The following ATG101 variants were observed in gnomAD, a reference collection of about 807,000 sequenced individuals.
ATG101 encodes the protein autophagy related 101.
A neutral mutation model predicts 16.7 loss-of-function variants in ATG101; 6 were observed. That is an observed-to-expected ratio of 0.36 (90% confidence interval 0.20 to 0.71). ATG101 has a LOEUF of 0.71. Ranked by LOEUF, ATG101 falls within the 30% of genes least tolerant of loss-of-function variation. The pLI, the probability that ATG101 is intolerant of heterozygous loss-of-function variation, is 0.57. For synonymous variants in ATG101, 108 were observed against 118.1 expected (o/e 0.91, Z 0.56); for missense variants, 200 against 292.5 (o/e 0.68, Z 2.31).
intron 3 of ATG101, among the ~76,000 whole-genome samples, chr12:52,076,142 A>C (rs1409097922): frequency 6.6e-6 from 1 of 152,182 alleles, no homozygotes; most frequent in Admixed American, 6.5e-5. Flanking sequence ...TGGGTGACAG[A>C]GTAAGACCCA....
upstream of ATG101, among the ~76,000 whole-genome samples, chr12:52,066,874 C>T (rs918252316): frequency 6.6e-6 from 1 of 152,182 alleles, no homozygotes; most frequent in Non-Finnish European, 1.5e-5. Flanking sequence ...GCTCTGGCAC[C>T]TCCTCCACTC....
chr12:52,072,594 T>C (rs1192546046), intron 2 of ATG101, among the ~76,000 whole-genome samples: 1 of 152,190 alleles, frequency 6.6e-6, no homozygotes, highest in Admixed American at 6.5e-5. Context: ...TGTGGGTGTC[T>C]CTAGAAATAG....
chr12:52,074,218 G>A (rs1389637251), intron 3 of ATG101, among the ~76,000 whole-genome samples: 3 of 152,238 alleles, frequency 2.0e-5, no homozygotes, highest in African/African-American at 7.2e-5. Flanking sequence ...GACCTCTCTG[G>A]TTACAGCTCT....
rs1182358780 is a variant in ATG101 at position 52,077,393 on chromosome 12, A to G, written c.*203A>G. On this transcript the variant is annotated 3_prime_UTR_variant, in exon 4 of 4. Coordinates refer to ENST00000336854, the MANE Select transcript of ATG101 (RefSeq NM_021934.5). ...TTGCTGACGGTTCAGTCCTGCCTCT[A>G]CTGTCTCTCCATAGCCCTGGTGGGG... is the stretch of plus-strand genomic sequence containing the variant. 1.4e-5 allele frequency: 9 copies of G among 628,996 alleles called. No individual in the cohort carries two copies. In the East Asian group the frequency reaches 1.9e-4, roughly 14 times the overall value. 39.0% of individuals were successfully genotyped at this position (628,996 alleles called of 1,614,324 possible).
intron 3 of ATG101, among the ~76,000 whole-genome samples, chr12:52,074,124 T>C (rs995527948): frequency 6.6e-6 from 1 of 152,204 alleles, no homozygotes; most frequent in African/African-American, 2.4e-5. Context: ...GACTCATAAA[T>C]GTGCCTGGGG....
chr12:52,068,921 G>A (rs183332071), upstream of ATG101, among the ~76,000 whole-genome samples: 1,812 of 146,862 alleles, frequency 0.012, 25 homozygotes, highest in Middle Eastern at 0.058. Context: ...AACCCAGGAG[G>A]CGGAGCTTGC....
At chr12:52,076,698 G>A (rs1470364659) in intron 3 of ATG101, 88 bp from the exon 4 acceptor site, 1 of 1,448,520 alleles carries the variant, frequency 6.9e-7, no homozygotes, top group Non-Finnish European at 9.4e-7. Flanking sequence ...AGAGCTAAGA[G>A]AGCATAATTC....
upstream of ATG101, chr12:52,069,792 A>G (rs1455820191): frequency 1.3e-5 from 2 of 151,982 alleles, no homozygotes; most frequent in Non-Finnish European, 2.9e-5. Context: ...AAAATCCGAG[A>G]CATAACCACG....
chr12:52,071,576 G>C (rs1276247833), intron 2 of ATG101: 2 of 152,200 alleles, frequency 1.3e-5, no homozygotes, highest in African/African-American at 4.8e-5. Context: ...CAGCACTTTG[G>C]GAGGCCGAGG....
At chr12:52,072,398 C>T (rs10876230) in intron 2 of ATG101, among the ~76,000 whole-genome samples, 32,262 of 152,184 alleles carry the variant, frequency 0.21, 4,210 homozygotes, top group East Asian at 0.46. Flanking sequence ...TTGAGTGATT[C>T]GCTTAAGGTC....
At chr12:52,071,281 T>A (rs561716275) in intron 2 of ATG101, 1 of 152,334 alleles carries the variant, frequency 6.6e-6, no homozygotes, top group African/African-American at 2.4e-5. Context: ...ATTCACCATC[T>A]GTCAACCAGA....
At chr12:52,066,256 T>G (rs1276196647), upstream of ATG101, among the ~76,000 whole-genome samples, 3 of 152,196 alleles carry the variant, frequency 2.0e-5, no homozygotes, top group African/African-American at 7.2e-5. Flanking sequence ...ATTGCAGTCT[T>G]GAGACCTAGG....
At chr12:52,074,082 C>A (rs959134785) in intron 3 of ATG101, among the ~76,000 whole-genome samples, 180 bp downstream of exon 3, 1 of 98,022 alleles carries the variant, frequency 1.0e-5, no homozygotes, top group Non-Finnish European at 2.3e-5. Flanking sequence ...GGAGGGCGCG[C>A]GGGCGCGTGT....
rs1282161151 is a variant in ATG101, at chr12:52,076,899, G to T, written c.366G>T (p.Trp122Cys). 2 of 1,614,204 alleles carry T rather than the reference G, an allele frequency of 1.2e-6. No individual in the cohort carries two copies. The highest frequency in any genetic ancestry group is 1.1e-5 in the South Asian group (1 of 91,086). The change falls in exon 4 of 4, where the codon TGG (tryptophan) becomes TGT (cysteine). Residue 122 changes from tryptophan (W) to cysteine (C), a missense_variant. Physicochemically the swap from Trp to Cys is radical, Grantham distance 215 (BLOSUM62 -2). Transcript: ENST00000336854. ...ACGAGTGCATCCCATGGGAAGTGTG[G>T]ACGGTCAAGGTGCATGTGGTAGCCC... ...FSDECIPWEV[W>C]TVKVHVVALA...
At chr12:52,066,477 C>A (rs527926052), upstream of ATG101, among the ~76,000 whole-genome samples, 3 of 152,248 alleles carry the variant, frequency 2.0e-5, no homozygotes, top group South Asian at 2.1e-4. Flanking sequence ...CTCATCAGAA[C>A]ACCCCACAGA....
At chr12:52,071,402 G>C (rs1415379479) in intron 2 of ATG101, 1 of 152,214 alleles carries the variant, frequency 6.6e-6, no homozygotes, top group Admixed American at 6.5e-5. Flanking sequence ...GAAGGGGTGA[G>C]GGGGTGGTGG....
At position 52,076,836 on chromosome 12, in the gene ATG101, G is replaced by A; in HGVS notation, c.303G>A (p.Glu101=). 15 of 1,614,194 alleles carry A rather than the reference G, an allele frequency of 9.3e-6. No homozygotes were observed. The highest frequency in any genetic ancestry group is 1.1e-5 in the Non-Finnish European group (13 of 1,180,040). The change falls in exon 4 of 4, where the codon GAG becomes GAA. Residue 101 remains glutamate, a synonymous_variant. Coordinates refer to ENST00000336854, the MANE Select transcript of ATG101 (RefSeq NM_021934.5). ...GGDGLGQMSL[E]FYQKKKSRWP... is the part of the protein sequence containing the mutation. ...ATGGGCTGGGGCAGATGTCCTTGGA[G>A]TTCTACCAGAAGAAGAAGTCTCGCT... is the stretch of plus-strand genomic sequence containing the variant.
At chr12:52,073,471 G>A (rs1939681991) in intron 2 of ATG101, 104 bp from the exon 3 acceptor site, 2 of 728,116 alleles carry the variant, frequency 2.7e-6, no homozygotes, top group Non-Finnish European at 4.5e-6. Context: ...CCAAAATGCA[G>A]AGAAGGGCCA....
At chr12:52,068,617 A>C (rs1321204743), upstream of ATG101, among the ~76,000 whole-genome samples, 2 of 152,044 alleles carry the variant, frequency 1.3e-5, no homozygotes, top group East Asian at 3.9e-4. Context: ...TAAGCCTTCC[A>C]AAATGTTGGG....
Sources: allele counts gnomAD v4.1 joint callset (sites outside exome capture counted in the v4.1 genomes callset), GRCh38; gene constraint gnomAD v4.1.1; transcripts MANE v1.5; gene names NCBI Gene and HGNC (gene_info 2026-07-23, HGNC 2026-07-21).